Variants in ZNF766 observed in about 807,000 individuals in gnomAD.
ZNF766 encodes the protein zinc finger protein 766.
Under a neutral mutation model 13.2 loss-of-function variants are expected in ZNF766, and 13 were observed. That is an observed-to-expected ratio of 0.98 (90% CI 0.64 to 1.56). The LOEUF (loss-of-function observed/expected upper bound fraction) is 1.56, where lower values mean the gene tolerates loss of function less well. Among genes scored for constraint, ZNF766 ranks in the 40% most tolerant of loss-of-function variants. The pLI, the probability that ZNF766 is intolerant of heterozygous loss-of-function variation, is 0.00. For synonymous variants in ZNF766, 178 were observed against 187.6 expected (o/e 0.95, Z 0.42); for missense variants, 521 against 552.2 (o/e 0.94, Z 0.57).
intron 3 of ZNF766, among the ~76,000 whole-genome samples, chr19:52,288,820 C>T (rs1346386575): frequency 6.6e-6 from 1 of 150,682 alleles, no homozygotes; most frequent in Non-Finnish European, 1.5e-5. Context: ...TCCTAATTTT[C>T]CTTTTATTTT....
At chr19:52,270,037 C>T (rs1157250784) in intron 1 of ZNF766, among the ~76,000 whole-genome samples, 1 of 152,160 alleles carries the variant, frequency 6.6e-6, no homozygotes, top group Non-Finnish European at 1.5e-5. Context: ...CTGCAGACCC[C>T]ACCCCTGATC....
chr19:52,286,953 A>G (rs562133191), intron 3 of ZNF766, among the ~76,000 whole-genome samples: 1 of 152,190 alleles, frequency 6.6e-6, no homozygotes, highest in East Asian at 1.9e-4. Context: ...CTCCTCCCTC[A>G]GCCTCCCAAG....
chr19:52,270,698 G>A lies in ZNF766; in HGVS notation c.18+1067G>A, dbSNP rs568355496. The stretch of plus-strand genomic sequence containing the variant: ...GGAGGAGCACAGATGGGAGAAGAAA[G>A]AGGCAGAAATATATGGAGATTGGAG... On this transcript the variant is annotated intron_variant, in intron 1 of 3. Coordinates refer to ENST00000439461, the MANE Select transcript of ZNF766 (RefSeq NM_001010851.3). Among the ~76,000 whole-genome samples the A allele has an allele frequency of 4.6e-5, 7 of 152,176 alleles. No individual in the cohort carries two copies. The East Asian group carries it at 1.4e-3, about 29-fold the overall frequency.
intron 1 of ZNF766, among the ~76,000 whole-genome samples, chr19:52,270,501 A>C (rs1980930540): frequency 6.6e-6 from 1 of 152,006 alleles, no homozygotes; most frequent in South Asian, 2.1e-4. Flanking sequence ...CCTCAGACAA[A>C]GTTGGGGAGA....
At chr19:52,284,941 T>G (rs1345547665) in intron 3 of ZNF766, 1 of 151,972 alleles carries the variant, frequency 6.6e-6, no homozygotes, top group African/African-American at 2.4e-5. Flanking sequence ...TCAGGAACTT[T>G]TATGGAGGCT....
rs1002904622 is a variant in ZNF766 at position 52,269,707 on chromosome 19, G to A, written c.18+76G>A. On this transcript the variant is annotated intron_variant, in intron 1 of 3. Coordinates refer to ENST00000439461, the MANE Select transcript of ZNF766 (RefSeq NM_001010851.3). ...CTTCTGTACCCGGGATGTGGGGGGC[G>A]GTACAGACCTTGAAATCCCCGCACC... The A allele has an allele frequency of 4.5e-6, 7 of 1,568,546 alleles. No homozygotes were observed. In the East Asian group the frequency reaches 1.6e-4, roughly 36 times the overall value.
intron 1 of ZNF766, among the ~76,000 whole-genome samples, chr19:52,280,109 T>A (rs190255071): frequency 7.1e-4 from 108 of 152,304 alleles, no homozygotes; most frequent in Middle Eastern, 3.4e-3. Context: ...CTACTTTTTT[T>A]AAATAGCTTA....
chr19:52,280,217 G>T (rs1313556822), intron 1 of ZNF766, among the ~76,000 whole-genome samples: 1 of 152,104 alleles, frequency 6.6e-6, no homozygotes, highest in Non-Finnish European at 1.5e-5. Context: ...AATAATGACT[G>T]CCAGGCAGTA....
Position 52,291,978 on chromosome 19 carries a change from A to T in ZNF766, c.*780A>T. The T allele has an allele frequency of 1.8e-6, 1 of 567,550 alleles. No individual in the cohort carries two copies. Among genetic ancestry groups the T allele is most frequent in the Non-Finnish European group, 3.1e-6 (1 of 320,670 alleles). 35.2% of individuals were successfully genotyped at this position (567,550 alleles called of 1,614,324 possible). On this transcript the variant is annotated 3_prime_UTR_variant, in exon 4 of 4. Transcript: ENST00000439461. The stretch of plus-strand genomic sequence containing the variant: ...TTCCAGCTACTCAAGAGGCCGAGGC[A>T]AGAGGATTGCTCAAGCCCAGGAGTT...
chr19:52,292,349 CACTT>C lies in ZNF766; in HGVS notation c.*1152_*1155del, dbSNP rs1796631496. 2 of 604,692 alleles carry C rather than the reference CACTT, an allele frequency of 3.3e-6. No individual in the cohort carries two copies. Among genetic ancestry groups the C allele is most frequent in the Admixed American group, 2.8e-5 (1 of 35,554 alleles). The allele number at this position is 604,692 out of a possible 1,614,324, so 37.5% of individuals were successfully genotyped here. A position where few individuals can be genotyped will look rare whatever the true frequency, so the allele number is the denominator to read the frequency against. The stretch of plus-strand genomic sequence containing the variant: ...CATCATGCTTATTGCAGTTAGCACA[CACTT>C]TTCCTGACAGGCACAGTGCTGCTGT... On this transcript the variant is annotated 3_prime_UTR_variant, in exon 4 of 4. Transcript: ENST00000439461.
chr19:52,292,480 T>C lies in ZNF766; in HGVS notation c.*1282T>C. 3.0e-6 allele frequency: 1 copy of C among 336,646 alleles called. No homozygotes were observed. Among genetic ancestry groups the C allele is most frequent in the South Asian group, 1.1e-4 (1 of 9,398 alleles). The allele number at this position is 336,646 out of a possible 1,614,324, so 20.9% of individuals were successfully genotyped here. On this transcript the variant is annotated 3_prime_UTR_variant, in exon 4 of 4. Coordinates refer to ENST00000439461, the MANE Select transcript of ZNF766 (RefSeq NM_001010851.3). ...GGGACTGATTACGTAGGAGAGACGA[T>C]GCAGGGGAAATGGTGGCCACCGTCT...
rs142318934 is a variant in ZNF766 at position 52,285,032 on chromosome 19, T to C, written c.274+1619T>C. 6.5e-3 allele frequency: 995 copies of C among 152,184 alleles called. 14 individuals carry two copies. Among genetic ancestry groups the C allele is most frequent in the Middle Eastern group, 0.013 (4 of 298 alleles). 9.4% of individuals were successfully genotyped at this position (152,184 alleles called of 1,614,324 possible). Reference sequence around the variant, plus strand: ...GGAGGATGGTGGTTGGTGCTGACAATTCTGTGCTTCTAACCATGGCCTGGT... The same window carrying C: ...GGAGGATGGTGGTTGGTGCTGACAACTCTGTGCTTCTAACCATGGCCTGGT... On this transcript the variant is annotated intron_variant, in intron 3 of 3. Coordinates refer to ENST00000439461, the MANE Select transcript of ZNF766 (RefSeq NM_001010851.3).
At chr19:52,287,385 C>T (rs1262563683) in intron 3 of ZNF766, among the ~76,000 whole-genome samples, 1 of 152,174 alleles carries the variant, frequency 6.6e-6, no homozygotes, top group Non-Finnish European at 1.5e-5. Flanking sequence ...TCGTGATCTG[C>T]CCGCCTTGGC....
intron 2 of ZNF766, 113 bp downstream of exon 2, chr19:52,282,350 A>G: frequency 7.4e-7 from 1 of 1,349,978 alleles, no homozygotes; most frequent in Non-Finnish European, 9.9e-7. Context: ...AACCCTGTTG[A>G]CTTGGCTGGG....
At position 52,291,462 on chromosome 19, in the gene ZNF766, A is replaced by G; in HGVS notation, c.*264A>G. 1 of 365,432 alleles carries G rather than the reference A, an allele frequency of 2.7e-6. No homozygotes were observed. The highest frequency in any genetic ancestry group is 4.9e-6 in the Non-Finnish European group (1 of 204,126). 22.6% of individuals were successfully genotyped at this position (365,432 alleles called of 1,614,324 possible). The stretch of plus-strand genomic sequence containing the variant: ...GGAAATGATCTGTAATATTCGGGTT[A>G]TTAAAAATGTAATTGGCTGGGCGCA... On this transcript the variant is annotated 3_prime_UTR_variant, in exon 4 of 4. Transcript: ENST00000439461.
At chr19:52,280,005 A>G (rs1165423585) in intron 1 of ZNF766, among the ~76,000 whole-genome samples, 1 of 152,018 alleles carries the variant, frequency 6.6e-6, no homozygotes, top group Non-Finnish European at 1.5e-5. Context: ...CATGTTGGCC[A>G]GGCTGGTCTC....
chr19:52,286,049 A>C (rs1198579554), intron 3 of ZNF766, among the ~76,000 whole-genome samples: 1 of 151,932 alleles, frequency 6.6e-6, no homozygotes. Context: ...TCAGTAATCA[A>C]TGAAAGAGAG....
chr19:52,276,512 T>G (rs1981210070), intron 1 of ZNF766, among the ~76,000 whole-genome samples: 1 of 152,208 alleles, frequency 6.6e-6, no homozygotes, highest in Non-Finnish European at 1.5e-5. Context: ...TTGTTTTGTT[T>G]TGTTTTTAAT....
intron 1 of ZNF766, among the ~76,000 whole-genome samples, chr19:52,278,336 T>C (rs1209270980): frequency 1.3e-5 from 2 of 152,230 alleles, no homozygotes; most frequent in Non-Finnish European, 2.9e-5. Context: ...GAGCTTTTTT[T>C]CCATATGCTT....
Sources: gnomAD v4.1 joint callset for allele counts (sites outside exome capture counted in the v4.1 genomes callset) on GRCh38, gnomAD v4.1.1 for gene constraint, MANE v1.5 for transcripts, NCBI Gene and HGNC (gene_info 2026-07-23, HGNC 2026-07-21) for gene names.